The following IGFBP4 variants were observed in gnomAD, a reference collection of about 807,000 sequenced individuals.
IGFBP4 encodes insulin like growth factor binding protein 4.
A neutral mutation model predicts 25.8 loss-of-function variants in IGFBP4; 9 were observed. The observed-to-expected ratio is 0.35, with a 90% CI of 0.21 to 0.61. The LOEUF (loss-of-function observed/expected upper bound fraction) is 0.61. IGFBP4 is among the 20% of genes least tolerant of loss of function. The pLI is 0.77. For synonymous variants in IGFBP4, 153 were observed against 153.9 expected, an observed-to-expected ratio of 0.99 and a Z score of 0.05; for missense variants, 315 against 365.3, an observed-to-expected ratio of 0.86 and a Z score of 1.12.
intron 1 of IGFBP4, among the ~76,000 whole-genome samples, chr17:40,449,027 G>A (rs1221889043): frequency 2.0e-5 from 3 of 152,208 alleles, no homozygotes; most frequent in African/African-American, 2.4e-5. Flanking sequence ...TAAGGAGGGA[G>A]CTACTCTCCC....
intron 1 of IGFBP4, among the ~76,000 whole-genome samples, chr17:40,446,035 T>C (rs1166169036): frequency 6.6e-6 from 1 of 151,844 alleles, no homozygotes; most frequent in Non-Finnish European, 1.5e-5. Flanking sequence ...CTGGATATAA[T>C]GCAAACTGGC....
intron 1 of IGFBP4, among the ~76,000 whole-genome samples, chr17:40,446,695 A>G (rs1024469496): frequency 6.6e-6 from 1 of 152,160 alleles, no homozygotes. Flanking sequence ...TTTGGATGAC[A>G]CAGCCAAGGT....
Position 40,456,568 on chromosome 17 carries a change from C to T in IGFBP4, c.762C>T (p.Asp254=), listed in dbSNP as rs367790496. ...KGELDCHQLA[D]SFRE ...AGCTGGACTGCCACCAGCTGGCTGA[C>T]AGCTTTCGAGAGTGAGGCCTGCCAG... The change falls in exon 4 of 4, where the codon GAC becomes GAT. Residue 254 remains aspartate, a synonymous_variant. Coordinates refer to ENST00000269593, the MANE Select transcript of IGFBP4 (RefSeq NM_001552.3). The T allele has an allele frequency of 3.1e-6, 5 of 1,612,894 alleles. No homozygotes were observed. In the African/African-American group the frequency reaches 6.7e-5, roughly 22 times the overall value.
Position 40,453,128 on chromosome 17 carries a change from G to A in IGFBP4, c.493G>A (p.Asp165Asn). Residue 165 changes from aspartate (D) to asparagine (N), a missense_variant, in exon 2 of 4, where the codon GAT (aspartate) becomes AAT (asparagine). By Grantham distance (23) the Asp-to-Asn change is conservative. Transcript: ENST00000269593. The surrounding 1 kb of genome is among the most constrained non-coding windows in gnomAD (Gnocchi z 4.0). ...GAAGGTCAATGGGGCGCCCCGGGAG[G>A]ATGCCCGGCCTGTGGTAAGGACCTC... is the stretch of plus-strand genomic sequence containing the variant. ...KMKVNGAPRE[D>N]ARPVPQGSCQ... is the part of the protein sequence containing the mutation. The A allele has an allele frequency of 6.3e-7, 1 of 1,575,268 alleles. No individual in the cohort carries two copies. Among genetic ancestry groups the A allele is most frequent in the South Asian group, 1.2e-5 (1 of 85,254 alleles).
At position 40,453,795 on chromosome 17, in the gene IGFBP4, C is replaced by T; in HGVS notation, c.508-133C>T. 5.0e-6 allele frequency: 3 copies of T among 599,910 alleles called. No individual in the cohort carries two copies. Among genetic ancestry groups the T allele is most frequent in the South Asian group, 2.2e-5 (1 of 45,288 alleles). 37.2% of individuals were successfully genotyped at this position (599,910 alleles called of 1,614,324 possible). ...CAGACCCAGGCCTCTCTCTTCACCT[C>T]ACTGGGTCCTGCCCAGCCCCTGGGG... On this transcript the variant is annotated intron_variant, in intron 2 of 3. Coordinates refer to ENST00000269593, the MANE Select transcript of IGFBP4 (RefSeq NM_001552.3). The surrounding 1 kb of genome is among the most constrained non-coding windows in gnomAD (Gnocchi z 4.0).
At chr17:40,446,498 C>T (rs1170002740) in intron 1 of IGFBP4, among the ~76,000 whole-genome samples, 1 of 152,064 alleles carries the variant, frequency 6.6e-6, no homozygotes, top group African/African-American at 2.4e-5. Context: ...TGCCTGTAGT[C>T]CCAGCTACTT....
intron 1 of IGFBP4, among the ~76,000 whole-genome samples, chr17:40,450,900 T>C (rs2035679020): frequency 6.6e-6 from 1 of 152,154 alleles, no homozygotes; most frequent in Non-Finnish European, 1.5e-5. Context: ...ACACGGTGAC[T>C]CCATCCTCAA....
intron 1 of IGFBP4, among the ~76,000 whole-genome samples, chr17:40,451,069 C>T (rs1006342118): frequency 1.3e-5 from 2 of 152,124 alleles, no homozygotes; most frequent in African/African-American, 4.8e-5. Context: ...GATCCATCTC[C>T]TTATGGTCCC....
At chr17:40,455,348 AG>A (rs2035708367) in intron 3 of IGFBP4, among the ~76,000 whole-genome samples, 1 of 151,928 alleles carries the variant, frequency 6.6e-6, no homozygotes, top group African/African-American at 2.4e-5. Context: ...TTTTAAAGGC[AG>A]GATCTCAGTC....
At chr17:40,444,435 G>A (rs2035629246) in intron 1 of IGFBP4, among the ~76,000 whole-genome samples, 1 of 152,206 alleles carries the variant, frequency 6.6e-6, no homozygotes, top group Admixed American at 6.5e-5. Flanking sequence ...ACTGGAGGAT[G>A]GTGGTGGGGT....
At chr17:40,448,536 A>T (rs1471459643) in intron 1 of IGFBP4, among the ~76,000 whole-genome samples, 1 of 152,206 alleles carries the variant, frequency 6.6e-6, no homozygotes, top group Non-Finnish European at 1.5e-5. Context: ...TCAGAGGGGA[A>T]CCCACAGGCA....
chr17:40,444,157 C>A, intron 1 of IGFBP4, 73 bp downstream of exon 1: 3 of 1,210,168 alleles, frequency 2.5e-6, no homozygotes, highest in Non-Finnish European at 3.5e-6. Flanking sequence ...CCATTCCAGC[C>A]GCCCTGGAAG....
At chr17:40,445,336 A>G (rs1283100051) in intron 1 of IGFBP4, among the ~76,000 whole-genome samples, 1 of 151,938 alleles carries the variant, frequency 6.6e-6, no homozygotes, top group East Asian at 1.9e-4. Context: ...TCTGTTTCTC[A>G]TTCCATCTCC....
At position 40,443,676 on chromosome 17, in the gene IGFBP4, G is replaced by T. The variant is rs1364128284; in HGVS notation, c.-60G>T. 1.0e-6 allele frequency: 1 copy of T among 990,414 alleles called. No homozygotes were observed. 61.4% of individuals were successfully genotyped at this position (990,414 alleles called of 1,614,324 possible). A position where few individuals can be genotyped will look rare whatever the true frequency, so the allele number is the denominator to read the frequency against. On this transcript the variant is annotated 5_prime_UTR_variant, in exon 1 of 4. Transcript: ENST00000269593. ...CGTGTGCCCTCCGCCGCTCGCCCGC[G>T]CGCCCGCGCTCCCCGCCTGCGCCCA...
intron 1 of IGFBP4, among the ~76,000 whole-genome samples, chr17:40,449,367 G>C (rs961095062): frequency 1.3e-5 from 2 of 152,096 alleles, no homozygotes; most frequent in Non-Finnish European, 2.9e-5. Context: ...TGTAATCCTA[G>C]CACTTTGGGA....
At position 40,444,922 on chromosome 17, in the gene IGFBP4, CACACAGAGACAG is replaced by C. The variant is rs1267051688; in HGVS notation, c.349+840_349+851del. 3.0e-3 allele frequency among the ~76,000 whole-genome samples: 249 copies of C among 84,184 alleles called. 1 individual carries two copies. The highest frequency in any genetic ancestry group is 0.013 in the African/African-American group (237 of 18,546). The allele number at this position is 84,184 out of a possible 152,430, so 55.2% of individuals were successfully genotyped here. ...ACACACACACACACACACACACACA[CACACAGAGACAG>C]AGAGAGAGAGAGAGAGAGAGAGAGA... is the stretch of plus-strand genomic sequence containing the variant. On this transcript the variant is annotated intron_variant, in intron 1 of 3. Transcript: ENST00000269593.
intron 1 of IGFBP4, 97 bp downstream of exon 1, chr17:40,444,181 C>T: frequency 1.1e-6 from 1 of 935,912 alleles, no homozygotes; most frequent in Non-Finnish European, 1.6e-6. Context: ...CTTAAAAATC[C>T]CCTATGAGTT....
chr17:40,444,932 C>CAG (rs10603634), intron 1 of IGFBP4, among the ~76,000 whole-genome samples: 1,543 of 75,220 alleles, frequency 0.021, 33 homozygotes, highest in Middle Eastern at 0.038. Flanking sequence ...CACACAGAGA[C>CAG]AGAGAGAGAG....
At chr17:40,450,413 C>G (rs1387056671) in intron 1 of IGFBP4, among the ~76,000 whole-genome samples, 1 of 152,204 alleles carries the variant, frequency 6.6e-6, no homozygotes, top group Non-Finnish European at 1.5e-5. Context: ...GCAAACAAGT[C>G]CAGGTGATCT....
Sources: gnomAD v4.1 joint callset for allele counts (sites outside exome capture counted in the v4.1 genomes callset) on GRCh38, gnomAD v4.1.1 for gene constraint, Gnocchi (gnomAD v3.1) non-coding constraint, MANE v1.5 for transcripts, NCBI Gene and HGNC (gene_info 2026-07-23, HGNC 2026-07-21) for gene names.